Variants in FILIP1L observed in about 807,000 individuals in gnomAD.
FILIP1L encodes filamin A-interacting protein 1-like.
FILIP1L carries 55 observed loss-of-function variants against 96.6 expected under a neutral mutation model. The ratio of observed to expected loss-of-function variants is 0.57; its 90% CI spans 0.46 to 0.71. FILIP1L has a LOEUF of 0.71. FILIP1L is among the 30% of genes least tolerant of loss of function. FILIP1L has a pLI of 0.00. For synonymous variants in FILIP1L, 467 were observed against 473.9 expected (o/e 0.99, Z 0.19); for missense variants, 1,304 against 1,321.2 (o/e 0.99, Z 0.20).
Position 100,097,499 on chromosome 3 carries a change from C to T in FILIP1L, c.-11+16554G>A, listed in dbSNP as rs559943162. On this transcript the variant is annotated intron_variant, in intron 1 of 5. Coordinates refer to ENST00000477258, the MANE Select transcript of FILIP1L (RefSeq NM_001387850.1). ...AGGGACAACCCGGTATTCTAATCCA[C>T]GAACACAGTATATCTCTCTATTTTT... Among the ~76,000 whole-genome samples the T allele has an allele frequency of 3.9e-5, 6 of 152,262 alleles. 1 individual carries two copies. The South Asian group carries it at 1.0e-3, about 26-fold the overall frequency.
intron 1 of FILIP1L, among the ~76,000 whole-genome samples, chr3:99,974,733 C>A (rs967016424): frequency 1.3e-5 from 2 of 151,980 alleles, no homozygotes; most frequent in Non-Finnish European, 2.9e-5. Flanking sequence ...ACAACAACAA[C>A]AAAAACTCAT....
At position 99,924,123 on chromosome 3, in the gene FILIP1L, T is replaced by C. The variant is rs1015505250; in HGVS notation, c.605+107A>G. The C allele has an allele frequency of 1.9e-5, 18 of 942,544 alleles. No homozygotes were observed. In the African/African-American group the frequency reaches 2.8e-4, roughly 15 times the overall value. The allele number at this position is 942,544 out of a possible 1,614,324, so 58.4% of individuals were successfully genotyped here. A position where few individuals can be genotyped will look rare whatever the true frequency, so the allele number is the denominator to read the frequency against. Reference sequence around the variant, plus strand: ...TTCCTCACCCTGGACTATGAGATCTTTGAGAACAGAGACTGTGTCATATTT... The same window carrying C: ...TTCCTCACCCTGGACTATGAGATCTCTGAGAACAGAGACTGTGTCATATTT... On this transcript the variant is annotated intron_variant, in intron 4 of 5. Coordinates refer to ENST00000477258, the MANE Select transcript of FILIP1L (RefSeq NM_001387850.1).
At chr3:99,954,009 A>T (rs1708250536) in intron 1 of FILIP1L, among the ~76,000 whole-genome samples, 1 of 152,160 alleles carries the variant, frequency 6.6e-6, no homozygotes, top group Admixed American at 6.5e-5. Flanking sequence ...TTTTTGTTGC[A>T]CCCTTAAGAG....
intron 4 of FILIP1L, among the ~76,000 whole-genome samples, chr3:99,859,175 T>C (rs1944117773): frequency 1.3e-5 from 2 of 152,266 alleles, no homozygotes; most frequent in African/African-American, 4.8e-5. Context: ...TCCATAGTGC[T>C]ATGCAGTTCA....
At chr3:99,930,119 TTC>T (rs1219800220) in intron 2 of FILIP1L, 90 bp from the exon 3 acceptor site, 3 of 1,057,026 alleles carry the variant, frequency 2.8e-6, no homozygotes, top group African/African-American at 3.2e-5. Flanking sequence ...GTGCTTTTTC[TTC>T]TCTTTCAAAT....
At chr3:100,108,710 G>A (rs897130075) in intron 1 of FILIP1L, among the ~76,000 whole-genome samples, 2 of 152,122 alleles carry the variant, frequency 1.3e-5, no homozygotes, top group African/African-American at 4.8e-5. Flanking sequence ...TCTGGCACTC[G>A]TTTGTTTGTT....
intron 1 of FILIP1L, among the ~76,000 whole-genome samples, chr3:100,001,547 T>C (rs140433656): frequency 2.6e-3 from 401 of 152,302 alleles, no homozygotes; most frequent in African/African-American, 8.5e-3. Context: ...TCTATCTGAT[T>C]GCTTTTCGTA....
At chr3:100,101,525 C>A (rs772919058) in intron 1 of FILIP1L, among the ~76,000 whole-genome samples, 51 of 152,114 alleles carry the variant, frequency 3.4e-4, no homozygotes, top group Non-Finnish European at 6.5e-4. Context: ...CATTGGAATT[C>A]TTGATTGTGG....
At chr3:100,027,324 A>C (rs1198907871) in intron 1 of FILIP1L, among the ~76,000 whole-genome samples, 1 of 152,142 alleles carries the variant, frequency 6.6e-6, no homozygotes, top group Admixed American at 6.6e-5. Context: ...AGCCTCACAC[A>C]TGGTAGGTGT....
chr3:100,093,670 A>T (rs1269731459), intron 1 of FILIP1L, among the ~76,000 whole-genome samples: 1 of 152,106 alleles, frequency 6.6e-6, no homozygotes, highest in African/African-American at 2.4e-5. Flanking sequence ...AGGATCCCTC[A>T]TGTTCACCTT....
chr3:99,830,361 G>T lies in FILIP1L; in HGVS notation c.*53C>A. 3 of 365,608 alleles carry T rather than the reference G, an allele frequency of 8.2e-6. No homozygotes were observed. The highest frequency in any genetic ancestry group is 6.1e-5 in the South Asian group (3 of 49,420). The allele number at this position is 365,608 out of a possible 1,614,324, so 22.6% of individuals were successfully genotyped here. A position where few individuals can be genotyped will look rare whatever the true frequency, so the allele number is the denominator to read the frequency against. The stretch of plus-strand genomic sequence containing the variant: ...TTGGCCTTTCATAGTGGTAATTTTA[G>T]CTTTCCACATATTTCTGTAGATGAA... On this transcript the variant is annotated 3_prime_UTR_variant, in exon 6 of 6. Transcript: ENST00000477258.
intron 5 of FILIP1L, among the ~76,000 whole-genome samples, chr3:99,840,285 G>A (rs912732716): frequency 6.3e-5 from 9 of 143,786 alleles, no homozygotes; most frequent in Non-Finnish European, 9.0e-5. Flanking sequence ...GTGCAGTGGC[G>A]TGATCTCAGA....
chr3:100,084,551 T>C (rs187662032), intron 1 of FILIP1L, among the ~76,000 whole-genome samples: 1 of 152,278 alleles, frequency 6.6e-6, no homozygotes, highest in African/African-American at 2.4e-5. Flanking sequence ...TACAGTGTTA[T>C]GGGAAGTAAG....
chr3:100,033,186 C>G (rs1325617876), intron 1 of FILIP1L, among the ~76,000 whole-genome samples: 1 of 152,094 alleles, frequency 6.6e-6, no homozygotes, highest in African/African-American at 2.4e-5. Flanking sequence ...CCCTTAAAAC[C>G]TTAGAAAAAA....
chr3:100,032,930 C>G (rs1218019428), intron 1 of FILIP1L, among the ~76,000 whole-genome samples: 1 of 152,072 alleles, frequency 6.6e-6, no homozygotes, highest in African/African-American at 2.4e-5. Flanking sequence ...GTATTATTCT[C>G]CTGTTGAAAA....
intron 1 of FILIP1L, among the ~76,000 whole-genome samples, chr3:100,085,133 A>G (rs1223074335): frequency 1.3e-5 from 2 of 152,210 alleles, no homozygotes; most frequent in African/African-American, 2.4e-5. Flanking sequence ...CACAAGAGAA[A>G]CAGTCCTGAT....
At chr3:100,068,743 T>C (rs1224255630) in intron 1 of FILIP1L, among the ~76,000 whole-genome samples, 1 of 152,230 alleles carries the variant, frequency 6.6e-6, no homozygotes, top group African/African-American at 2.4e-5. Context: ...TTTTCCTGCC[T>C]CAGCCTCCCA....
intron 1 of FILIP1L, among the ~76,000 whole-genome samples, chr3:100,004,313 T>G (rs768394158): frequency 6.6e-6 from 1 of 152,172 alleles, no homozygotes; most frequent in Non-Finnish European, 1.5e-5. Context: ...TCAAGAACAT[T>G]GTGTATAATG....
chr3:99,835,716 C>G (rs1475660066), intron 5 of FILIP1L, among the ~76,000 whole-genome samples: 1 of 152,142 alleles, frequency 6.6e-6, no homozygotes, highest in East Asian at 1.9e-4. Flanking sequence ...ATAGCTGATT[C>G]TTGCTTTTGA....
Sources: allele counts gnomAD v4.1 joint callset (sites outside exome capture counted in the v4.1 genomes callset), GRCh38; gene constraint gnomAD v4.1.1; transcripts MANE v1.5; gene names NCBI Gene and HGNC (gene_info 2026-07-23, HGNC 2026-07-21).